Variants in PPP1R9A observed in about 807,000 individuals in gnomAD.
PPP1R9A encodes protein phosphatase 1 regulatory subunit 9A.
Under a neutral mutation model 141.9 loss-of-function variants are expected in PPP1R9A, and 59 were observed. That is an observed-to-expected ratio of 0.42 (90% CI 0.34 to 0.52). PPP1R9A has a LOEUF of 0.52. Among genes scored for constraint, PPP1R9A ranks in the 20% least tolerant of loss-of-function variants. PPP1R9A has a pLI of 0.10. For missense variants in PPP1R9A, 1,444 were observed against 1,611.9 expected (o/e 0.90, Z 1.78); for synonymous variants, 500 against 569.7 (o/e 0.88, Z 1.74).
At chr7:95,020,449 T>C (rs1271150671) in intron 2 of PPP1R9A, among the ~76,000 whole-genome samples, 1 of 152,160 alleles carries the variant, frequency 6.6e-6, no homozygotes, top group Non-Finnish European at 1.5e-5. Context: ...AGCTACATTT[T>C]TGTTGTTATT....
chr7:94,912,867 C>G (rs895026530), intron 2 of PPP1R9A, among the ~76,000 whole-genome samples: 19 of 151,978 alleles, frequency 1.3e-4, no homozygotes, highest in Non-Finnish European at 4.4e-5. Flanking sequence ...TACCACCTTC[C>G]TTTGTGATTA....
At chr7:95,114,131 G>C (rs1821055939) in intron 3 of PPP1R9A, among the ~76,000 whole-genome samples, 1 of 152,154 alleles carries the variant, frequency 6.6e-6, no homozygotes, top group Non-Finnish European at 1.5e-5. Context: ...ATCAATGGTA[G>C]AAAGGGTCTA....
intron 4 of PPP1R9A, among the ~76,000 whole-genome samples, chr7:95,121,455 G>GTCTATCTATCTA (rs776836872): frequency 6.9e-6 from 1 of 144,840 alleles, no homozygotes; most frequent in Non-Finnish European, 1.5e-5. Context: ...CTGTCTGTCT[G>GTCTATCTATCTA]TCTGTCTATC....
chr7:95,086,167 C>T (rs1055449079), intron 2 of PPP1R9A, among the ~76,000 whole-genome samples: 3 of 151,930 alleles, frequency 2.0e-5, no homozygotes, highest in Non-Finnish European at 4.4e-5. Flanking sequence ...CCAGTTTCCT[C>T]AATTGTTAAC....
intron 17 of PPP1R9A, among the ~76,000 whole-genome samples, chr7:95,285,624 G>T (rs561790411): frequency 2.0e-5 from 3 of 152,206 alleles, no homozygotes; most frequent in African/African-American, 7.2e-5. Flanking sequence ...GATGCTCTGC[G>T]GGTGCAGTGA....
At chr7:95,237,490 C>A (rs940339961) in intron 8 of PPP1R9A, among the ~76,000 whole-genome samples, 1 of 151,792 alleles carries the variant, frequency 6.6e-6, no homozygotes, top group Admixed American at 6.6e-5. Context: ...GCCACCATGC[C>A]CAGCCATATT....
intron 2 of PPP1R9A, among the ~76,000 whole-genome samples, chr7:94,912,704 T>C (rs1376267374): frequency 2.0e-5 from 3 of 152,232 alleles, no homozygotes; most frequent in Non-Finnish European, 4.4e-5. Context: ...TAATAATCTA[T>C]GAAATTATTT....
At chr7:95,145,594 G>T (rs753288466) in intron 4 of PPP1R9A, among the ~76,000 whole-genome samples, 1 of 152,200 alleles carries the variant, frequency 6.6e-6, no homozygotes, top group Non-Finnish European at 1.5e-5. Context: ...TTGAATGTCA[G>T]TGGTTTACAT....
At chr7:95,177,961 C>G (rs532294229) in intron 5 of PPP1R9A, among the ~76,000 whole-genome samples, 1 of 152,210 alleles carries the variant, frequency 6.6e-6, no homozygotes, top group South Asian at 2.1e-4. Flanking sequence ...CCACTGACAG[C>G]ACTAGACAGG....
intron 5 of PPP1R9A, among the ~76,000 whole-genome samples, chr7:95,175,517 A>G (rs1456541107): frequency 1.3e-5 from 2 of 152,020 alleles, no homozygotes; most frequent in Non-Finnish European, 2.9e-5. Context: ...AAAAAACTTA[A>G]AAGACATGGT....
At chr7:94,951,583 T>C (rs1796479841) in intron 2 of PPP1R9A, among the ~76,000 whole-genome samples, 1 of 152,104 alleles carries the variant, frequency 6.6e-6, no homozygotes, top group South Asian at 2.1e-4. Flanking sequence ...TTTGTTGTAT[T>C]TTATGTTTTT....
chr7:94,930,530 C>T (rs905214982), intron 2 of PPP1R9A, among the ~76,000 whole-genome samples: 2 of 151,970 alleles, frequency 1.3e-5, no homozygotes, highest in African/African-American at 4.8e-5. Context: ...GTAGAGACGG[C>T]GTTTCACTGT....
intron 5 of PPP1R9A, among the ~76,000 whole-genome samples, chr7:95,190,485 G>A (rs1450461780): frequency 6.6e-6 from 1 of 152,174 alleles, no homozygotes; most frequent in East Asian, 1.9e-4. Flanking sequence ...TGAGGATGCT[G>A]GCTTTCTTGA....
At chr7:95,114,369 A>T (rs1437502220) in intron 3 of PPP1R9A, among the ~76,000 whole-genome samples, 4 of 152,188 alleles carry the variant, frequency 2.6e-5, no homozygotes, top group Non-Finnish European at 5.9e-5. Context: ...AGTTTTTAAA[A>T]AGTAGTATTA....
At chr7:95,213,971 C>T (rs73431078) in intron 7 of PPP1R9A, among the ~76,000 whole-genome samples, 10,785 of 152,122 alleles carry the variant, frequency 0.071, 925 homozygotes, top group African/African-American at 0.2. Context: ...ATAATAAGCA[C>T]GCTCCCTTCC....
intron 8 of PPP1R9A, among the ~76,000 whole-genome samples, chr7:95,240,416 GT>G (rs558741031): frequency 1.4e-5 from 2 of 148,064 alleles, no homozygotes; most frequent in African/African-American, 5.0e-5. Flanking sequence ...TCCTATTTCT[GT>G]TTTTTTTCTA....
chr7:95,262,107 T>C (rs574007676), intron 12 of PPP1R9A, among the ~76,000 whole-genome samples: 73 of 152,298 alleles, frequency 4.8e-4, no homozygotes, highest in African/African-American at 1.3e-3. Context: ...TAGATTTTGA[T>C]TGAGAAACTG....
chr7:95,223,584 T>C (rs554401576), intron 7 of PPP1R9A, among the ~76,000 whole-genome samples: 3 of 152,200 alleles, frequency 2.0e-5, no homozygotes, highest in African/African-American at 4.8e-5. Flanking sequence ...TAGGCACATA[T>C]TTATATTAAT....
chr7:95,195,810 G>A (rs1255093736), intron 5 of PPP1R9A, among the ~76,000 whole-genome samples: 3 of 152,024 alleles, frequency 2.0e-5, no homozygotes, highest in Non-Finnish European at 4.4e-5. Context: ...CAGCACTTTG[G>A]GGGGCCAAAG....
Sources: allele counts gnomAD v4.1 joint callset (sites outside exome capture counted in the v4.1 genomes callset), GRCh38; gene constraint gnomAD v4.1.1; transcripts MANE v1.5; gene names NCBI Gene and HGNC (gene_info 2026-07-23, HGNC 2026-07-21).